TCHP: variants seen among roughly 807,000 people sequenced by gnomAD.
The protein encoded by TCHP is trichoplein keratin filament-binding protein.
In TCHP, 81 loss-of-function variants were observed where a neutral mutation model predicts 88.7. The observed-to-expected ratio is 0.91, with a 90% CI of 0.76 to 1.10. The LOEUF (loss-of-function observed/expected upper bound fraction) is 1.10, where lower values mean the gene tolerates loss of function less well. Among genes scored for constraint, TCHP ranks in the 50% least tolerant of loss-of-function variants. TCHP has a pLI of 0.00. For missense variants in TCHP, 641 were observed against 632.1 expected (o/e 1.01, Z -0.15); for synonymous variants, 232 against 232.5 (o/e 1.00, Z 0.02).
chr12:109,897,564 TTC>T (rs1160597728), upstream of TCHP, among the ~76,000 whole-genome samples: 24 of 148,314 alleles, frequency 1.6e-4, no homozygotes, highest in African/African-American at 6.2e-4. Context: ...CTTTCTTTCT[TTC>T]TTTTTTTTTT....
intron 1 of TCHP, among the ~76,000 whole-genome samples, chr12:109,901,914 G>A (rs561976992): frequency 2.6e-5 from 4 of 152,206 alleles, no homozygotes; most frequent in Non-Finnish European, 4.4e-5. Flanking sequence ...TCTCTAACTC[G>A]CTCGGGTACA....
chr12:109,901,963 A>G (rs1869823617), intron 1 of TCHP, among the ~76,000 whole-genome samples: 2 of 152,208 alleles, frequency 1.3e-5, no homozygotes, highest in Admixed American at 6.5e-5. Flanking sequence ...CTTACCTGCC[A>G]AATAGCGAGG....
At chr12:109,901,479 G>A (rs1023731145) in intron 1 of TCHP, among the ~76,000 whole-genome samples, 1 of 152,120 alleles carries the variant, frequency 6.6e-6, no homozygotes, top group Non-Finnish European at 1.5e-5. Context: ...CTTTCCTCAA[G>A]GAGTTAACTT....
chr12:109,903,873 C>A lies in TCHP; in HGVS notation c.189-64C>A. The A allele has an allele frequency of 7.3e-7, 1 of 1,360,882 alleles. No individual in the cohort carries two copies. Among genetic ancestry groups the A allele is most frequent in the Non-Finnish European group, 1.0e-6 (1 of 974,262 alleles). The allele number at this position is 1,360,882 out of a possible 1,614,324, so 84.3% of individuals were successfully genotyped here. On this transcript the variant is annotated intron_variant, in intron 2 of 12. Coordinates refer to ENST00000405876, the MANE Select transcript of TCHP (RefSeq NM_001143852.2). This position sits in a 1 kb window ranked among gnomAD's most constrained non-coding sequence, Gnocchi z 4.6. ...ACCTCAGCCTCTTTTACCGACACAGCAGAGCAGAGCACGTTCCCTGTGGCT... is the reference window on the plus strand; with the variant it reads ...ACCTCAGCCTCTTTTACCGACACAGAAGAGCAGAGCACGTTCCCTGTGGCT...
chr12:109,908,071 T>A (rs1030141878), intron 6 of TCHP, among the ~76,000 whole-genome samples: 3 of 152,216 alleles, frequency 2.0e-5, no homozygotes, highest in African/African-American at 7.2e-5. Flanking sequence ...TCTCGAGGCA[T>A]AACTGAGGGT....
At chr12:109,908,976 C>T (rs1870326769) in intron 8 of TCHP, 39 bp downstream of exon 8, 3 of 1,598,264 alleles carry the variant, frequency 1.9e-6, no homozygotes, top group Non-Finnish European at 2.6e-6. Flanking sequence ...TTCTTAGCCT[C>T]TTTTGTAAAA....
intron 4 of TCHP, 99 bp downstream of exon 4, chr12:109,904,892 G>C: frequency 8.7e-7 from 1 of 1,154,392 alleles, no homozygotes; most frequent in Non-Finnish European, 1.2e-6. Context: ...GGTTGAAACA[G>C]AGGAGGGAAC....
chr12:109,903,070 G>A lies in TCHP; in HGVS notation c.44G>A (p.Arg15His), dbSNP rs759954448. 16 of 1,613,424 alleles carry A rather than the reference G, an allele frequency of 9.9e-6. No homozygotes were observed. Among genetic ancestry groups the A allele is most frequent in the Middle Eastern group, 1.7e-4 (1 of 6,000 alleles). Residue 15 changes from arginine (R) to histidine (H), a missense_variant, in exon 2 of 13, where the codon CGC (arginine) becomes CAC (histidine). Arg to His is a conservative substitution (Grantham distance 29). Transcript: ENST00000405876. This position sits in a 1 kb window ranked among gnomAD's most constrained non-coding sequence, Gnocchi z 4.6. Reference sequence around the variant, plus strand: ...CCGTCCTACTGGTGCAGCCAGCAGCGCCTGAATCAGCAGCTAGCACGACAG... The same window carrying A: ...CCGTCCTACTGGTGCAGCCAGCAGCACCTGAATCAGCAGCTAGCACGACAG... Reference protein sequence around the residue: ...TLPSYWCSQQRLNQQLARQRE... With the variant: ...TLPSYWCSQQHLNQQLARQRE...
rs780426568 is a variant in TCHP at position 109,906,645 on chromosome 12, G to A, written c.525+5G>A. 6.2e-7 allele frequency: 1 copy of A among 1,605,060 alleles called. No homozygotes were observed. Among genetic ancestry groups the A allele is most frequent in the Non-Finnish European group, 8.5e-7 (1 of 1,179,350 alleles). ...CAGAAAGAAGAAAAAAAACAGGTGT[G>A]GTATGTGGCTCTGGGAATAGCCGCG... is the stretch of plus-strand genomic sequence containing the variant. On this transcript the variant is annotated splice_donor_5th_base_variant and intron_variant, in intron 5 of 12. Transcript: ENST00000405876.
the TCHP span, among the ~76,000 whole-genome samples, chr12:109,893,380 C>CAAAA: frequency 8.3e-6 from 1 of 119,884 alleles, no homozygotes; most frequent in East Asian, 2.5e-4. Flanking sequence ...AACTCCTTCT[C>CAAAA]AAAAAAAAAA....
At position 109,903,900 on chromosome 12, in the gene TCHP, T is replaced by G; in HGVS notation, c.189-37T>G. ...GAGCAGAGCACGTTCCCTGTGGCTG[T>G]AGCATGATTGATTCAGGCAGGCCCC... On this transcript the variant is annotated intron_variant, in intron 2 of 12. Coordinates refer to ENST00000405876, the MANE Select transcript of TCHP (RefSeq NM_001143852.2). The surrounding 1 kb of genome is among the most constrained non-coding windows in gnomAD (Gnocchi z 4.6). 6.5e-7 allele frequency: 1 copy of G among 1,534,496 alleles called. No individual in the cohort carries two copies.
chr12:109,899,219 C>A (rs559126665), upstream of TCHP, among the ~76,000 whole-genome samples: 4 of 152,322 alleles, frequency 2.6e-5, no homozygotes, highest in East Asian at 7.7e-4. Context: ...GAAAAGAGAA[C>A]AAACAAGTAT....
chr12:109,896,016 G>A (rs766482324), upstream of TCHP, among the ~76,000 whole-genome samples: 1 of 151,778 alleles, frequency 6.6e-6, no homozygotes, highest in African/African-American at 2.4e-5. Context: ...GCATGATTTC[G>A]GCTCACTGCA....
At position 109,916,715 on chromosome 12, in the gene TCHP, G is replaced by T; in HGVS notation, c.*92G>T. Reference sequence around the variant, plus strand: ...TTTTACAGGGCTCTGTTAACAGTAAGTGCCCGGGGCACTGTCAGATGGCTC... The same window carrying T: ...TTTTACAGGGCTCTGTTAACAGTAATTGCCCGGGGCACTGTCAGATGGCTC... On this transcript the variant is annotated 3_prime_UTR_variant, in exon 13 of 13. Transcript: ENST00000405876. 4 of 1,283,262 alleles carry T rather than the reference G, an allele frequency of 3.1e-6. No individual in the cohort carries two copies. Among genetic ancestry groups the T allele is most frequent in the Non-Finnish European group, 4.4e-6 (4 of 906,982 alleles). The allele number at this position is 1,283,262 out of a possible 1,614,324, so 79.5% of individuals were successfully genotyped here.
intron 3 of TCHP, 144 bp downstream of exon 3, chr12:109,904,291 C>A: frequency 1.4e-6 from 1 of 708,788 alleles, no homozygotes; most frequent in Non-Finnish European, 2.4e-6. Context: ...AGCTTAGGTC[C>A]TTGTGCAGGG....
At chr12:109,884,529 TG>T in the TCHP span, among the ~76,000 whole-genome samples, 3 of 152,162 alleles carry the variant, frequency 2.0e-5, no homozygotes, top group African/African-American at 7.2e-5. Context: ...AACAAATAAA[TG>T]GAACTATCAG....
At chr12:109,901,822 C>T (rs1239836314) in intron 1 of TCHP, among the ~76,000 whole-genome samples, 4 of 152,186 alleles carry the variant, frequency 2.6e-5, no homozygotes, top group African/African-American at 9.7e-5. Context: ...AAGCCCCTTC[C>T]TCGGGCCAAG....
At position 109,908,951 on chromosome 12, in the gene TCHP, GAC is replaced by G. The variant is rs1202685241; in HGVS notation, c.879+16_879+17del. 6.2e-7 allele frequency: 1 copy of G among 1,613,806 alleles called. No homozygotes were observed. Among genetic ancestry groups the G allele is most frequent in the Non-Finnish European group, 8.5e-7 (1 of 1,179,726 alleles). ...CAAGAGGAGCTGGTAAGTCTGAAGA[GAC>G]AGCCTGACATCTTTCTTAGCCTCTT... On this transcript the variant is annotated intron_variant, in intron 8 of 12. Transcript: ENST00000405876.
the TCHP span, among the ~76,000 whole-genome samples, chr12:109,885,478 G>GGTT: frequency 2.5e-5 from 3 of 118,170 alleles, no homozygotes; most frequent in Admixed American, 8.5e-5. Flanking sequence ...AAATCTGATG[G>GGTT]TTTTTTTTTT....
Sources: allele counts gnomAD v4.1 joint callset (sites outside exome capture counted in the v4.1 genomes callset), GRCh38; gene constraint gnomAD v4.1.1; non-coding constraint Gnocchi (gnomAD v3.1); transcripts MANE v1.5; gene names NCBI Gene and HGNC (gene_info 2026-07-23, HGNC 2026-07-21).